SIPA1L1: variants seen among roughly 807,000 people sequenced by gnomAD.
The protein encoded by SIPA1L1 is signal-induced proliferation-associated 1-like protein 1.
In SIPA1L1, 26 loss-of-function variants were observed where a neutral mutation model predicts 162.7. The ratio of observed to expected loss-of-function variants is 0.16; its 90% CI spans 0.12 to 0.22. The LOEUF (loss-of-function observed/expected upper bound fraction) is 0.22, where lower values mean the gene tolerates loss of function less well. SIPA1L1 is among the 10% of genes least tolerant of loss of function. The pLI is 1.00. For missense variants in SIPA1L1, 1,874 were observed against 2,241.0 expected, an observed-to-expected ratio of 0.84 and a Z score of 3.31; for synonymous variants, 829 against 837.4, an observed-to-expected ratio of 0.99 and a Z score of 0.17.
At chr14:71,608,294 C>G (rs574355135) in intron 5 of SIPA1L1, among the ~76,000 whole-genome samples, 3 of 152,320 alleles carry the variant, frequency 2.0e-5, no homozygotes, top group South Asian at 2.1e-4. Flanking sequence ...TCTGCCTTAA[C>G]TGAATTTCTG....
At chr14:71,334,882 G>GTA (rs2034926722) in intron 2 of SIPA1L1, among the ~76,000 whole-genome samples, 1 of 152,078 alleles carries the variant, frequency 6.6e-6, no homozygotes, top group African/African-American at 2.4e-5. Flanking sequence ...CATCAGTCTT[G>GTA]TATTTTTATC....
At chr14:71,509,138 G>A (rs1645895823) in intron 2 of SIPA1L1, among the ~76,000 whole-genome samples, 1 of 152,028 alleles carries the variant, frequency 6.6e-6, no homozygotes, top group Non-Finnish European at 1.5e-5. Context: ...GGCCCTATGG[G>A]GTTTGTCCTC....
intron 10 of SIPA1L1, among the ~76,000 whole-genome samples, chr14:71,669,851 A>C (rs1345235183): frequency 6.6e-6 from 1 of 152,148 alleles, no homozygotes; most frequent in Admixed American, 6.5e-5. Flanking sequence ...CCAGAAATAT[A>C]ATTTGCCTCC....
In SIPA1L1 at chr14:71,587,615, G is replaced by A; in HGVS notation, c.-258G>A. The A allele has an allele frequency of 2.1e-6, 1 of 466,614 alleles. No homozygotes were observed. The highest frequency in any genetic ancestry group is 3.7e-5 in the Admixed American group (1 of 26,940). 28.9% of individuals were successfully genotyped at this position (466,614 alleles called of 1,614,324 possible). On this transcript the variant is annotated 5_prime_UTR_variant, in exon 5 of 24. Coordinates refer to ENST00000381232, the MANE Select transcript of SIPA1L1 (RefSeq NM_001386936.1). Reference sequence around the variant, plus strand: ...CAACCACAGAATCTCAGTAGTACAAGTTCCATTCAGTTTTTTCTGAAAGAA... The same window carrying A: ...CAACCACAGAATCTCAGTAGTACAAATTCCATTCAGTTTTTTCTGAAAGAA...
chr14:71,330,871 G>C, intron 2 of SIPA1L1: 1 of 565,848 alleles, frequency 1.8e-6, no homozygotes, highest in Non-Finnish European at 3.2e-6. Flanking sequence ...ACTCCAGGTT[G>C]CTTTTTTGCT....
In SIPA1L1 at chr14:71,634,981, A is replaced by G. The variant is rs577169593; in HGVS notation, c.1818+10745A>G. ...GTTATCTAAACAGAAAGGAAGTGATAAAAGAATGGATCTTGGGAGGGCACG... is the reference window on the plus strand; with the variant it reads ...GTTATCTAAACAGAAAGGAAGTGATGAAAGAATGGATCTTGGGAGGGCACG... On this transcript the variant is annotated intron_variant, in intron 7 of 23. Coordinates refer to ENST00000381232, the MANE Select transcript of SIPA1L1 (RefSeq NM_001386936.1). Among the ~76,000 whole-genome samples the G allele has an allele frequency of 5.9e-5, 9 of 151,602 alleles. No homozygotes were observed. In the South Asian group the frequency reaches 1.5e-3, roughly 25 times the overall value.
intron 15 of SIPA1L1, chr14:71,704,870 C>A: frequency 2.3e-6 from 2 of 856,338 alleles, no homozygotes; most frequent in Non-Finnish European, 3.9e-6. Flanking sequence ...AGGTTAGCCA[C>A]ACTTGGCAAT....
chr14:71,415,421 A>G (rs1460010561), intron 2 of SIPA1L1, among the ~76,000 whole-genome samples: 3 of 152,198 alleles, frequency 2.0e-5, no homozygotes, highest in African/African-American at 4.8e-5. Context: ...CAGGCTTATA[A>G]TAGCAACACA....
intron 2 of SIPA1L1, among the ~76,000 whole-genome samples, chr14:71,443,877 A>G (rs1053819063): frequency 2.0e-5 from 3 of 152,194 alleles, no homozygotes; most frequent in Admixed American, 6.5e-5. Flanking sequence ...CTCTTGCTGC[A>G]AATAACTTGC....
intron 4 of SIPA1L1, among the ~76,000 whole-genome samples, chr14:71,550,605 T>G (rs143464169): frequency 1.4e-3 from 209 of 152,008 alleles, no homozygotes; most frequent in Non-Finnish European, 2.5e-3. Context: ...CGTTCTGGGC[T>G]GGTTTCTCTT....
intron 2 of SIPA1L1, among the ~76,000 whole-genome samples, chr14:71,347,118 A>AT (rs34836765): frequency 0.17 from 24,734 of 143,646 alleles, 2,634 homozygotes; most frequent in Middle Eastern, 0.34. Context: ...CGTCTGGGTA[A>AT]TTTTTTTTTT....
chr14:71,556,339 C>A (rs998449112), intron 4 of SIPA1L1, among the ~76,000 whole-genome samples: 2 of 152,126 alleles, frequency 1.3e-5, no homozygotes, highest in Admixed American at 1.3e-4. Context: ...TTTTTTTCTC[C>A]ACATGCCAAA....
intron 2 of SIPA1L1, among the ~76,000 whole-genome samples, chr14:71,442,396 G>T (rs952006689): frequency 2.0e-5 from 3 of 151,996 alleles, no homozygotes; most frequent in Non-Finnish European, 4.4e-5. Context: ...GTTTGCCAAA[G>T]CATGGAAGAG....
chr14:71,336,090 T>A (rs1412200658), intron 2 of SIPA1L1, among the ~76,000 whole-genome samples: 1 of 152,248 alleles, frequency 6.6e-6, no homozygotes, highest in African/African-American at 2.4e-5. Context: ...CCAAATTGTC[T>A]GATGGCTATT....
intron 17 of SIPA1L1, among the ~76,000 whole-genome samples, chr14:71,710,824 AAG>A (rs1491368628): frequency 2.6e-5 from 4 of 151,206 alleles, no homozygotes; most frequent in African/African-American, 7.3e-5. Context: ...AAAAAAAAAA[AAG>A]AAAGAAAGAA....
At chr14:71,710,052 C>G (rs140627118) in intron 17 of SIPA1L1, among the ~76,000 whole-genome samples, 3 of 152,200 alleles carry the variant, frequency 2.0e-5, no homozygotes, top group Non-Finnish European at 4.4e-5. Flanking sequence ...TGTTAAAAGA[C>G]AGAGGTCTTT....
intron 5 of SIPA1L1, among the ~76,000 whole-genome samples, chr14:71,617,309 T>G (rs1338760308): frequency 6.6e-6 from 1 of 152,244 alleles, no homozygotes; most frequent in Admixed American, 6.5e-5. Context: ...AGCTGTGAGC[T>G]TGAAGACCAG....
At chr14:71,447,769 A>G (rs945117240) in intron 2 of SIPA1L1, among the ~76,000 whole-genome samples, 3 of 151,718 alleles carry the variant, frequency 2.0e-5, no homozygotes, top group African/African-American at 7.3e-5. Context: ...GGATTTTACC[A>G]TGTTGCTCAG....
At chr14:71,541,656 C>A (rs965011913) in intron 4 of SIPA1L1, among the ~76,000 whole-genome samples, 1 of 152,070 alleles carries the variant, frequency 6.6e-6, no homozygotes, top group Non-Finnish European at 1.5e-5. Flanking sequence ...ACCTGTAGTC[C>A]TAGCTGCTTG....
Sources: allele counts gnomAD v4.1 joint callset (sites outside exome capture counted in the v4.1 genomes callset), GRCh38; gene constraint gnomAD v4.1.1; transcripts MANE v1.5; gene names NCBI Gene and HGNC (gene_info 2026-07-23, HGNC 2026-07-21).